CCSER1: variants seen among roughly 807,000 people sequenced by gnomAD.
CCSER1 encodes coiled-coil serine rich protein 1.
Under a neutral mutation model 82.0 loss-of-function variants are expected in CCSER1, and 41 were observed. That is an observed-to-expected ratio of 0.50 (90% CI 0.39 to 0.65). The LOEUF (loss-of-function observed/expected upper bound fraction) is 0.65. Ranked by LOEUF, CCSER1 falls within the 30% of genes least tolerant of loss-of-function variation. The pLI is 0.00. For missense variants in CCSER1, 1,119 were observed against 1,064.2 expected, an observed-to-expected ratio of 1.05 and a Z score of -0.72; for synonymous variants, 414 against 383.9, an observed-to-expected ratio of 1.08 and a Z score of -0.92.
At chr4:90,212,943 G>A (rs917413174) in intron 1 of CCSER1, among the ~76,000 whole-genome samples, 1 of 152,310 alleles carries the variant, frequency 6.6e-6, no homozygotes, top group East Asian at 1.9e-4. Context: ...TTGTAGCAGA[G>A]TGGTTAAGAG....
chr4:91,156,913 A>G (rs533037269), intron 10 of CCSER1, among the ~76,000 whole-genome samples: 3 of 152,022 alleles, frequency 2.0e-5, no homozygotes, highest in East Asian at 1.9e-4. Context: ...ACATACTCTT[A>G]TAGCAGTGAT....
chr4:91,338,632 T>G (rs1747482680), intron 10 of CCSER1, among the ~76,000 whole-genome samples: 2 of 152,142 alleles, frequency 1.3e-5, no homozygotes. Context: ...CATACTAAAG[T>G]GCACTTAAAA....
intron 1 of CCSER1, among the ~76,000 whole-genome samples, chr4:90,271,864 T>TGTATATATATATATA (rs1560920274): frequency 7.0e-5 from 2 of 28,602 alleles, no homozygotes; most frequent in African/African-American, 5.7e-4. Context: ...ATATATATAT[T>TGTATATATATATATA]TTTTTTTTTT....
At chr4:91,147,599 C>G (rs560262988) in intron 10 of CCSER1, among the ~76,000 whole-genome samples, 1 of 152,308 alleles carries the variant, frequency 6.6e-6, no homozygotes, top group South Asian at 2.1e-4. Context: ...TGCTTGAATT[C>G]CCTCGGGGTT....
At chr4:90,929,166 C>T (rs776105557) in intron 9 of CCSER1, among the ~76,000 whole-genome samples, 7 of 151,694 alleles carry the variant, frequency 4.6e-5, no homozygotes, top group East Asian at 1.9e-4. Context: ...TCAGCGTATC[C>T]GATTTATCAG....
chr4:90,459,249 TTGAAGTA>T (rs1257846605), intron 4 of CCSER1, among the ~76,000 whole-genome samples: 3 of 152,170 alleles, frequency 2.0e-5, no homozygotes, highest in Non-Finnish European at 4.4e-5. Context: ...ATTAGAATTA[TTGAAGTA>T]TGAACTGGAC....
chr4:90,342,061 C>T (rs1171329109), intron 3 of CCSER1, among the ~76,000 whole-genome samples: 2 of 152,088 alleles, frequency 1.3e-5, no homozygotes, highest in Non-Finnish European at 1.5e-5. Flanking sequence ...ACCAGAGACC[C>T]ACTGGCAAAG....
At chr4:90,852,783 T>C (rs1415871129) in intron 8 of CCSER1, among the ~76,000 whole-genome samples, 1 of 152,222 alleles carries the variant, frequency 6.6e-6, no homozygotes, top group African/African-American at 2.4e-5. Context: ...AAATAATTAA[T>C]TGTATCTTTG....
chr4:91,518,891 G>C (rs1031217440), intron 10 of CCSER1, among the ~76,000 whole-genome samples: 6 of 152,204 alleles, frequency 3.9e-5, no homozygotes, highest in African/African-American at 1.4e-4. Context: ...GATTGGTGAA[G>C]AGTGGGGGTT....
At chr4:91,446,714 CTTGATA>C (rs1451616369) in intron 10 of CCSER1, among the ~76,000 whole-genome samples, 1 of 139,994 alleles carries the variant, frequency 7.1e-6, no homozygotes, top group Non-Finnish European at 1.5e-5. Flanking sequence ...ATCCTTTTTA[CTTGATA>C]TTATTTTTAA....
At chr4:90,879,507 GAAGAA>G (rs1561294527) in intron 8 of CCSER1, among the ~76,000 whole-genome samples, 1 of 144,102 alleles carries the variant, frequency 6.9e-6, no homozygotes, top group African/African-American at 2.7e-5. Context: ...AGAAGAAGAA[GAAGAA>G]GAAGAGGAAG....
At chr4:90,296,642 T>A (rs865869649) in intron 1 of CCSER1, among the ~76,000 whole-genome samples, 1 of 152,206 alleles carries the variant, frequency 6.6e-6, no homozygotes, top group Middle Eastern at 3.2e-3. Flanking sequence ...CGTTTAAGTC[T>A]TTAATCCATC....
intron 4 of CCSER1, among the ~76,000 whole-genome samples, chr4:90,442,641 A>T: frequency 6.6e-6 from 1 of 152,176 alleles, no homozygotes; most frequent in Non-Finnish European, 1.5e-5. Context: ...GGAAAGCAAG[A>T]ATTGAGGCAA....
intron 6 of CCSER1, among the ~76,000 whole-genome samples, chr4:90,690,358 T>C (rs551308093): frequency 1.3e-5 from 2 of 152,038 alleles, no homozygotes; most frequent in Non-Finnish European, 1.5e-5. Flanking sequence ...TAAAAGTGTA[T>C]GTCTGGTTTG....
intron 10 of CCSER1, among the ~76,000 whole-genome samples, chr4:91,526,240 C>G (rs1388514515): frequency 6.6e-6 from 1 of 152,158 alleles, no homozygotes; most frequent in Admixed American, 6.5e-5. Context: ...TATCTTAACT[C>G]AAACATTCCT....
intron 9 of CCSER1, among the ~76,000 whole-genome samples, chr4:91,080,928 C>G (rs1422837404): frequency 1.3e-5 from 2 of 151,954 alleles, no homozygotes; most frequent in Non-Finnish European, 2.9e-5. Context: ...GCCTACCAAC[C>G]AAAAAAAGTC....
chr4:90,845,229 A>G (rs569653258), intron 8 of CCSER1, among the ~76,000 whole-genome samples: 111 of 152,022 alleles, frequency 7.3e-4, no homozygotes, highest in South Asian at 1.2e-3. Flanking sequence ...TGGCGTGGTG[A>G]CACGCGCCTG....
intron 6 of CCSER1, among the ~76,000 whole-genome samples, chr4:90,632,282 TAA>T (rs1041430349): frequency 1.6e-4 from 24 of 152,234 alleles, no homozygotes; most frequent in Admixed American, 2.6e-4. Flanking sequence ...CAGATTTTTT[TAA>T]AAGTTATTTT....
intron 10 of CCSER1, among the ~76,000 whole-genome samples, chr4:91,383,333 TTTC>T (rs1382313303): frequency 2.0e-5 from 3 of 152,156 alleles, no homozygotes; most frequent in Non-Finnish European, 1.5e-5. Flanking sequence ...CTAACCATTT[TTTC>T]TTCATGTTAT....
Sources: allele counts gnomAD v4.1 joint callset (sites outside exome capture counted in the v4.1 genomes callset), GRCh38; gene constraint gnomAD v4.1.1; transcripts MANE v1.5; gene names NCBI Gene and HGNC (gene_info 2026-07-23, HGNC 2026-07-21).